RBMS1: variants seen among roughly 807,000 people sequenced by gnomAD.
The protein encoded by RBMS1 is RNA binding motif single stranded interacting protein 1, also known as RNA-binding motif, single-stranded-interacting protein 1.
Under a neutral mutation model 62.3 loss-of-function variants are expected in RBMS1, and 17 were observed. The observed-to-expected ratio is 0.27, with a 90% CI of 0.19 to 0.41. RBMS1 has a LOEUF of 0.41. Among genes scored for constraint, RBMS1 ranks in the 10% least tolerant of loss-of-function variants. The probability of loss-of-function intolerance (pLI) is 1.00; values close to 1 mark genes in which losing one functional copy is unlikely to be tolerated. For synonymous variants in RBMS1, 172 were observed against 170.0 expected, an observed-to-expected ratio of 1.01 and a Z score of -0.09; for missense variants, 334 against 504.5, an observed-to-expected ratio of 0.66 and a Z score of 3.24.
chr2:160,439,745 T>C (rs949177003), intron 1 of RBMS1, among the ~76,000 whole-genome samples: 3 of 152,210 alleles, frequency 2.0e-5, no homozygotes, highest in African/African-American at 7.2e-5. Context: ...ATCATGCCAC[T>C]GCACTCCAGC....
At chr2:160,396,687 T>A (rs1018059696) in intron 1 of RBMS1, among the ~76,000 whole-genome samples, 4 of 148,388 alleles carry the variant, frequency 2.7e-5, no homozygotes, top group African/African-American at 9.9e-5. Flanking sequence ...TGCCTCAGCC[T>A]CCTGAGTGGC....
chr2:160,423,906 G>A (rs1696533350), intron 1 of RBMS1, among the ~76,000 whole-genome samples: 1 of 152,042 alleles, frequency 6.6e-6, no homozygotes, highest in African/African-American at 2.4e-5. Flanking sequence ...TCACTGGAGG[G>A]TAAACTCGTC....
intron 4 of RBMS1, among the ~76,000 whole-genome samples, chr2:160,308,883 G>A (rs1477707519): frequency 6.6e-6 from 1 of 152,196 alleles, no homozygotes; most frequent in Non-Finnish European, 1.5e-5. Context: ...GCATTGTAAA[G>A]GCTTCTTCAA....
chr2:160,331,852 T>C (rs1464760063), intron 2 of RBMS1, among the ~76,000 whole-genome samples: 1 of 152,158 alleles, frequency 6.6e-6, no homozygotes, highest in Non-Finnish European at 1.5e-5. Flanking sequence ...AGAAGTTTTC[T>C]AGCAGAACTA....
chr2:160,475,633 G>T, intron 1 of RBMS1, among the ~76,000 whole-genome samples: 1 of 152,300 alleles, frequency 6.6e-6, no homozygotes, highest in East Asian at 1.9e-4. Context: ...CCAAGTTTGC[G>T]TATGTATGTC....
chr2:160,426,854 CA>C (rs11321501), intron 1 of RBMS1, among the ~76,000 whole-genome samples: 40,605 of 152,008 alleles, frequency 0.27, 6,310 homozygotes, highest in East Asian at 0.6. Context: ...GGGAGCATGT[CA>C]GGGGGAAAAG....
At position 160,303,323 on chromosome 2, in the gene RBMS1, G is replaced by A. The variant is rs764877229; in HGVS notation, c.560+7C>T. The stretch of plus-strand genomic sequence containing the variant: ...TTGACATAATAAAGACTGGGCAGAA[G>A]GCTTACCTAGCAAAGCCAACACCAC... On this transcript the variant is annotated splice_region_variant and intron_variant, in intron 5 of 13. Transcript: ENST00000348849. The A allele has an allele frequency of 6.3e-7, 1 of 1,594,792 alleles. No homozygotes were observed. Among genetic ancestry groups the A allele is most frequent in the Admixed American group, 1.8e-5 (1 of 56,474 alleles).
intron 4 of RBMS1, among the ~76,000 whole-genome samples, chr2:160,311,230 A>C (rs866104840): frequency 0.092 from 8,807 of 96,116 alleles, 629 homozygotes; most frequent in East Asian, 0.19. Flanking sequence ...CTATCTATCT[A>C]TCTATATATA....
At chr2:160,403,658 A>C (rs1695546931) in intron 1 of RBMS1, among the ~76,000 whole-genome samples, 1 of 152,264 alleles carries the variant, frequency 6.6e-6, no homozygotes, top group Admixed American at 6.5e-5. Context: ...ACCATTAAAC[A>C]CACACAGATA....
At chr2:160,465,910 A>T (rs1239308586) in intron 1 of RBMS1, among the ~76,000 whole-genome samples, 1 of 150,120 alleles carries the variant, frequency 6.7e-6, no homozygotes, top group African/African-American at 2.4e-5. Context: ...CTAGAATTTC[A>T]ATCTTTACAT....
At chr2:160,400,401 C>G (rs1695374587) in intron 1 of RBMS1, among the ~76,000 whole-genome samples, 2 of 148,470 alleles carry the variant, frequency 1.3e-5, no homozygotes, top group South Asian at 4.2e-4. Context: ...AGCCAAAAAG[C>G]AAGTTTGCAA....
chr2:160,297,909 T>C (rs554200357), intron 6 of RBMS1, among the ~76,000 whole-genome samples: 36 of 152,316 alleles, frequency 2.4e-4, no homozygotes, highest in African/African-American at 8.7e-4. Flanking sequence ...TTCCATGCCA[T>C]TCCAGGAATC....
intron 1 of RBMS1, among the ~76,000 whole-genome samples, chr2:160,481,804 G>T (rs1414611274): frequency 6.6e-6 from 1 of 152,090 alleles, no homozygotes; most frequent in African/African-American, 2.4e-5. Context: ...AAACCACAAT[G>T]AGATATCCAC....
chr2:160,460,680 C>T (rs763647587), intron 1 of RBMS1, among the ~76,000 whole-genome samples: 2 of 152,192 alleles, frequency 1.3e-5, no homozygotes, highest in Non-Finnish European at 2.9e-5. Flanking sequence ...TTTAATGATG[C>T]CCTTGAGTCA....
At chr2:160,369,457 T>C (rs1693602645) in intron 1 of RBMS1, among the ~76,000 whole-genome samples, 1 of 152,216 alleles carries the variant, frequency 6.6e-6, no homozygotes, top group African/African-American at 2.4e-5. Flanking sequence ...TGCTGGAAAG[T>C]AGCCCACACA....
At chr2:160,320,746 GT>G in intron 2 of RBMS1, among the ~76,000 whole-genome samples, 1 of 152,074 alleles carries the variant, frequency 6.6e-6, no homozygotes, top group East Asian at 1.9e-4. Flanking sequence ...CGCTGATGCT[GT>G]GCTTCTTGTA....
At chr2:160,392,000 T>C (rs1465063356) in intron 1 of RBMS1, among the ~76,000 whole-genome samples, 1 of 151,814 alleles carries the variant, frequency 6.6e-6, no homozygotes, top group Non-Finnish European at 1.5e-5. Context: ...TAATAACCAA[T>C]GTAGTAACGA....
intron 7 of RBMS1, 116 bp from the exon 8 acceptor site, chr2:160,285,160 G>A: frequency 1.0e-6 from 1 of 972,404 alleles, no homozygotes; most frequent in East Asian, 2.5e-5. Flanking sequence ...GGGAGGCTGA[G>A]GTGGGAAGAT....
chr2:160,346,269 A>G (rs1692168591), intron 2 of RBMS1, among the ~76,000 whole-genome samples: 1 of 152,190 alleles, frequency 6.6e-6, no homozygotes, highest in Non-Finnish European at 1.5e-5. Flanking sequence ...TGATGCTAAA[A>G]GTATTTAACT....
Sources: allele counts gnomAD v4.1 joint callset (sites outside exome capture counted in the v4.1 genomes callset), GRCh38; gene constraint gnomAD v4.1.1; transcripts MANE v1.5; gene names NCBI Gene and HGNC (gene_info 2026-07-23, HGNC 2026-07-21).